KIF3B: variants seen among roughly 807,000 people sequenced by gnomAD.
KIF3B encodes kinesin-like protein KIF3B.
In KIF3B, 38 loss-of-function variants were observed where a neutral mutation model predicts 74.3. That is an observed-to-expected ratio of 0.51 (90% CI 0.39 to 0.67). The LOEUF (loss-of-function observed/expected upper bound fraction) is 0.67. Ranked by LOEUF, KIF3B falls within the 30% of genes least tolerant of loss-of-function variation. The pLI, the probability that KIF3B is intolerant of heterozygous loss-of-function variation, is 0.00. For missense variants in KIF3B, 649 were observed against 932.0 expected (o/e 0.70, Z 3.95); for synonymous variants, 326 against 342.5 (o/e 0.95, Z 0.53).
intron 5 of KIF3B, among the ~76,000 whole-genome samples, chr20:32,321,468 A>G (rs1316480367): frequency 6.6e-6 from 1 of 151,682 alleles, no homozygotes; most frequent in Non-Finnish European, 1.5e-5. Flanking sequence ...GTAATTAAGC[A>G]TTTATTTATT....
intron 3 of KIF3B, 65 bp from the exon 4 acceptor site, chr20:32,316,462 G>T: frequency 6.2e-7 from 1 of 1,605,948 alleles, no homozygotes. Context: ...TCTGATCCTA[G>T]CTTGGGGAAC....
At chr20:32,322,462 G>T (rs2047864773) in intron 5 of KIF3B, among the ~76,000 whole-genome samples, 1 of 148,956 alleles carries the variant, frequency 6.7e-6, no homozygotes, top group African/African-American at 2.5e-5. Context: ...ACAGAAATTA[G>T]CCAGGCGTGG....
intron 7 of KIF3B, among the ~76,000 whole-genome samples, chr20:32,329,116 C>T (rs964351376): frequency 1.3e-5 from 2 of 152,164 alleles, no homozygotes; most frequent in Admixed American, 6.5e-5. Flanking sequence ...CCATGTTGGC[C>T]AAGTTGGTCT....
rs188914113 is a variant in KIF3B, at chr20:32,320,202, A to G, written c.1748+3328A>G. Among the ~76,000 whole-genome samples the G allele has an allele frequency of 2.7e-4, 41 of 152,128 alleles. No individual in the cohort carries two copies. The East Asian group carries it at 6.6e-3, about 24-fold the overall frequency. ...GAGCCACTGTGCCCGGCTGAGTTTT[A>G]AGAGTTCTTTATATTAATATATTAT... is the stretch of plus-strand genomic sequence containing the variant. On this transcript the variant is annotated intron_variant, in intron 5 of 8. Coordinates refer to ENST00000375712, the MANE Select transcript of KIF3B (RefSeq NM_004798.4).
chr20:32,296,679 G>C (rs1266872750), intron 1 of KIF3B, among the ~76,000 whole-genome samples: 1 of 152,138 alleles, frequency 6.6e-6, no homozygotes, highest in Non-Finnish European at 1.5e-5. Context: ...GGGAAAGCCA[G>C]TGTTGTTATC....
chr20:32,318,201 C>CTGAGGCAGGAGAATCTCT (rs1269745226), intron 5 of KIF3B, among the ~76,000 whole-genome samples: 1 of 151,768 alleles, frequency 6.6e-6, no homozygotes, highest in African/African-American at 2.4e-5. Context: ...ACTCAGGAGG[C>CTGAGGCAGGAGAATCTCT]TGAGGCAGGA....
In KIF3B at chr20:32,309,849, G is replaced by A. The variant is rs1429230079; in HGVS notation, c.72G>A (p.Lys24=). 1 of 1,614,158 alleles carries A rather than the reference G, an allele frequency of 6.2e-7. No individual in the cohort carries two copies. Among genetic ancestry groups the A allele is most frequent in the Non-Finnish European group, 8.5e-7 (1 of 1,180,038 alleles). The change falls in exon 2 of 9, where the codon AAG becomes AAA. Residue 24 remains lysine (K), a synonymous_variant. Transcript: ENST00000375712. The part of the protein sequence containing the change: ...VRCRPMNGKE[K]AASYDKVVDV... Reference sequence around the variant, plus strand: ...GTCGGCCCATGAATGGCAAGGAAAAGGCTGCTTCGTATGACAAAGTGGTGG... The same window carrying A: ...GTCGGCCCATGAATGGCAAGGAAAAAGCTGCTTCGTATGACAAAGTGGTGG...
intron 1 of KIF3B, among the ~76,000 whole-genome samples, chr20:32,296,736 T>C (rs566518801): frequency 5.9e-5 from 9 of 152,374 alleles, no homozygotes; most frequent in Admixed American, 5.9e-4. Flanking sequence ...ATATATTTTA[T>C]GCACATATAA....
intron 1 of KIF3B, among the ~76,000 whole-genome samples, chr20:32,284,041 AAGTAGCTGAG>A (rs1040019245): frequency 2.4e-4 from 36 of 152,164 alleles, no homozygotes; most frequent in Non-Finnish European, 4.4e-4. Flanking sequence ...TCAGCCATCC[AAGTAGCTGAG>A]ACTACAGGTG....
intron 2 of KIF3B, among the ~76,000 whole-genome samples, chr20:32,312,020 C>G (rs2047803122): frequency 6.6e-6 from 1 of 151,832 alleles, no homozygotes; most frequent in South Asian, 2.1e-4. Context: ...CCTGGCTGGT[C>G]TCGAACTCCT....
intron 5 of KIF3B, among the ~76,000 whole-genome samples, chr20:32,323,658 C>T (rs2047888334): frequency 6.6e-6 from 1 of 151,800 alleles, no homozygotes; most frequent in Admixed American, 6.6e-5. Flanking sequence ...GCAGGTGGAT[C>T]ATGAGGTCAG....
intron 1 of KIF3B, among the ~76,000 whole-genome samples, chr20:32,287,533 G>T (rs1306524929): frequency 6.6e-6 from 1 of 151,830 alleles, no homozygotes; most frequent in African/African-American, 2.4e-5. Context: ...TGTTGCTCAG[G>T]CTGGTCTCAA....
chr20:32,327,001 A>T, intron 6 of KIF3B, 117 bp downstream of exon 6: 1 of 607,064 alleles, frequency 1.6e-6, no homozygotes, highest in Non-Finnish European at 2.9e-6. Context: ...GGCTTATTTA[A>T]ACTCAAAACC....
intron 5 of KIF3B, 41 bp downstream of exon 5, chr20:32,316,915 T>C: frequency 7.3e-7 from 1 of 1,367,346 alleles, no homozygotes; most frequent in Non-Finnish European, 1.0e-6. Flanking sequence ...AGCCACTTGC[T>C]GAGTCATTGA....
At chr20:32,316,927 C>A (rs1431829508) in intron 5 of KIF3B, 53 bp downstream of exon 5, 2 of 1,318,102 alleles carry the variant, frequency 1.5e-6, no homozygotes, top group Admixed American at 1.7e-5. Flanking sequence ...AGTCATTGAT[C>A]TCGTTTGTTT....
At chr20:32,322,802 T>TTA (rs1456139307) in intron 5 of KIF3B, among the ~76,000 whole-genome samples, 13 of 47,396 alleles carry the variant, frequency 2.7e-4, no homozygotes, top group African/African-American at 1.6e-3. Context: ...ATATATATAT[T>TTA]TATATATATT....
intron 3 of KIF3B, 76 bp from the exon 4 acceptor site, chr20:32,316,451 C>T: frequency 1.9e-6 from 3 of 1,599,414 alleles, no homozygotes; most frequent in Middle Eastern, 1.7e-4. Context: ...TAGCTGGAGA[C>T]TCTGATCCTA....
intron 1 of KIF3B, among the ~76,000 whole-genome samples, chr20:32,285,745 G>C (rs1734806513): frequency 6.6e-6 from 1 of 152,188 alleles, no homozygotes; most frequent in Non-Finnish European, 1.5e-5. Context: ...TGAGTTGGGT[G>C]ATATTTTGTT....
chr20:32,301,753 C>G (rs533331616), intron 1 of KIF3B, among the ~76,000 whole-genome samples: 2 of 152,266 alleles, frequency 1.3e-5, no homozygotes, highest in South Asian at 2.1e-4. Context: ...CTCTCTCTTA[C>G]GCTTTCCATA....
Sources: allele counts gnomAD v4.1 joint callset (sites outside exome capture counted in the v4.1 genomes callset), GRCh38; gene constraint gnomAD v4.1.1; transcripts MANE v1.5; gene names NCBI Gene and HGNC (gene_info 2026-07-23, HGNC 2026-07-21).